SLIT3: variants seen among roughly 807,000 people sequenced by gnomAD.
The protein encoded by SLIT3 is slit homolog 3 protein.
A neutral mutation model predicts 184.0 loss-of-function variants in SLIT3; 68 were observed. The observed-to-expected ratio is 0.37, with a 90% CI of 0.30 to 0.45. The LOEUF is 0.45. SLIT3 is among the 20% of genes least tolerant of loss of function. SLIT3 has a pLI of 1.00. For synonymous variants in SLIT3, 831 were observed against 828.6 expected (o/e 1.00, Z -0.05); for missense variants, 1,707 against 2,026.0 (o/e 0.84, Z 3.02).
rs1325672161 is a variant in SLIT3, at chr5:168,866,958, G to A, written c.485+16307C>T. 3.9e-5 allele frequency among the ~76,000 whole-genome samples: 6 copies of A among 152,262 alleles called. 1 individual carries two copies. The highest frequency in any genetic ancestry group is 4.2e-4 in the South Asian group (2 of 4,810). On this transcript the variant is annotated intron_variant, in intron 5 of 35. Coordinates refer to ENST00000519560, the MANE Select transcript of SLIT3 (RefSeq NM_003062.4). Reference sequence around the variant, plus strand: ...CTAGCAATTGGCTCAGGACTAGTGGGGAGACTAAGACTCGAACCCAGATCT... The same window carrying A: ...CTAGCAATTGGCTCAGGACTAGTGGAGAGACTAAGACTCGAACCCAGATCT...
At chr5:168,707,915 G>A (rs990893085) in intron 26 of SLIT3, 61 bp downstream of exon 26, 3 of 1,605,010 alleles carry the variant, frequency 1.9e-6, no homozygotes, top group Non-Finnish European at 1.7e-6. Flanking sequence ...CCCCTCTCTA[G>A]GGCCAGGGCT....
chr5:169,255,361 T>C (rs754518370), intron 1 of SLIT3, among the ~76,000 whole-genome samples: 2 of 152,154 alleles, frequency 1.3e-5, no homozygotes, highest in Non-Finnish European at 2.9e-5. Flanking sequence ...GACTTACCAG[T>C]GGGACAAGAT....
intron 20 of SLIT3, among the ~76,000 whole-genome samples, chr5:168,730,364 T>G (rs1174915395): frequency 6.6e-6 from 1 of 152,050 alleles, no homozygotes; most frequent in East Asian, 1.9e-4. Context: ...AAATTGGACT[T>G]TAGGCCAAAT....
At chr5:168,897,647 T>TGCGCGCGCACACACACACACACAC (rs3223457) in intron 4 of SLIT3, among the ~76,000 whole-genome samples, 1 of 141,414 alleles carries the variant, frequency 7.1e-6, no homozygotes, top group African/African-American at 2.6e-5. Flanking sequence ...CAGGTGCACG[T>TGCGCGCGCACACACACACACACAC]ACACACACAC....
At chr5:169,024,436 C>G (rs921272221) in intron 4 of SLIT3, 1 of 152,182 alleles carries the variant, frequency 6.6e-6, no homozygotes, top group Non-Finnish European at 1.5e-5. Flanking sequence ...GGGGAGAGAG[C>G]TATCAGTCAA....
chr5:169,215,001 G>A (rs548260739), intron 3 of SLIT3, among the ~76,000 whole-genome samples: 3 of 152,194 alleles, frequency 2.0e-5, no homozygotes, highest in East Asian at 3.9e-4. Context: ...CTCCAGTCTC[G>A]CTCCTCACCC....
chr5:168,906,895 C>T (rs1761071928), intron 4 of SLIT3, among the ~76,000 whole-genome samples: 2 of 152,110 alleles, frequency 1.3e-5, no homozygotes, highest in African/African-American at 4.8e-5. Flanking sequence ...GAGTCTCACT[C>T]TGCTGCCCAG....
At chr5:169,106,873 A>C (rs295997) in intron 4 of SLIT3, among the ~76,000 whole-genome samples, 12,680 of 152,270 alleles carry the variant, frequency 0.083, 612 homozygotes, top group East Asian at 0.14. Flanking sequence ...AAAGAGAGAG[A>C]GCTGGGGAGA....
intron 4 of SLIT3, among the ~76,000 whole-genome samples, chr5:168,945,508 T>A (rs1221490852): frequency 1.3e-5 from 2 of 152,186 alleles, no homozygotes; most frequent in East Asian, 3.8e-4. Flanking sequence ...AGTGCCGGGA[T>A]TACAGGCATG....
intron 4 of SLIT3, among the ~76,000 whole-genome samples, chr5:169,122,799 C>T (rs1760932254): frequency 6.6e-6 from 1 of 152,170 alleles, no homozygotes; most frequent in Non-Finnish European, 1.5e-5. Context: ...GCTTCTCTCC[C>T]AGCCCATCCC....
intron 20 of SLIT3, among the ~76,000 whole-genome samples, chr5:168,746,988 ATGTGTGGTGTGTGGTGTGGTGG>A (rs1179623499): frequency 1.8e-5 from 1 of 56,768 alleles, no homozygotes; most frequent in African/African-American, 7.4e-5. Context: ...GGTGGTGTGG[ATGTGTGGTGTGTGGTGTGGTGG>A]TGTGTGGTGT....
At chr5:168,793,105 C>T (rs1366703781) in intron 10 of SLIT3, among the ~76,000 whole-genome samples, 1 of 152,064 alleles carries the variant, frequency 6.6e-6, no homozygotes, top group Non-Finnish European at 1.5e-5. Context: ...TGTTTTTGGC[C>T]CCAAGCATTT....
intron 4 of SLIT3, among the ~76,000 whole-genome samples, chr5:169,054,505 A>G (rs1024154005): frequency 6.6e-6 from 1 of 152,078 alleles, no homozygotes; most frequent in African/African-American, 2.4e-5. Flanking sequence ...TGTCCAGGCA[A>G]TTCAGGTCTC....
intron 27 of SLIT3, among the ~76,000 whole-genome samples, chr5:168,700,022 T>C (rs1323719623): frequency 6.6e-6 from 1 of 152,216 alleles, no homozygotes; most frequent in Admixed American, 6.5e-5. Context: ...AGAGGATTTG[T>C]CCCTCTGATG....
At chr5:169,259,371 T>C (rs537553674) in intron 1 of SLIT3, among the ~76,000 whole-genome samples, 1 of 152,346 alleles carries the variant, frequency 6.6e-6, no homozygotes, top group Admixed American at 6.5e-5. Flanking sequence ...GGAAGTACTT[T>C]CTAAACAGCA....
At chr5:168,867,232 T>C (rs1759337354) in intron 5 of SLIT3, among the ~76,000 whole-genome samples, 1 of 152,198 alleles carries the variant, frequency 6.6e-6, no homozygotes, top group Non-Finnish European at 1.5e-5. Flanking sequence ...ATTATTACTT[T>C]ACCATTATGA....
intron 4 of SLIT3, among the ~76,000 whole-genome samples, chr5:168,906,367 G>A (rs1761052727): frequency 6.6e-6 from 1 of 152,222 alleles, no homozygotes; most frequent in African/African-American, 2.4e-5. Context: ...TGCATTTGCT[G>A]AGAAAAGCAC....
At chr5:169,244,928 C>T in intron 2 of SLIT3, 152 bp from the exon 3 acceptor site, 2 of 690,238 alleles carry the variant, frequency 2.9e-6, no homozygotes, top group East Asian at 2.7e-5. Context: ...CAAGATAACT[C>T]ATATCCCAGC....
chr5:168,950,087 T>C (rs1376489499), intron 4 of SLIT3, among the ~76,000 whole-genome samples: 5 of 137,308 alleles, frequency 3.6e-5, no homozygotes, highest in Non-Finnish European at 7.8e-5. Flanking sequence ...TGTAGAGGCC[T>C]AATCACTAAT....
Sources: gnomAD v4.1 joint callset for allele counts (sites outside exome capture counted in the v4.1 genomes callset) on GRCh38, gnomAD v4.1.1 for gene constraint, MANE v1.5 for transcripts, NCBI Gene and HGNC (gene_info 2026-07-23, HGNC 2026-07-21) for gene names.